Variants in MED12L observed in about 807,000 individuals in gnomAD.
The protein encoded by MED12L is mediator of RNA polymerase II transcription subunit 12-like protein.
In MED12L, 60 loss-of-function variants were observed where a neutral mutation model predicts 281.3. That is an observed-to-expected ratio of 0.21 (90% CI 0.17 to 0.26). The LOEUF (loss-of-function observed/expected upper bound fraction) is 0.26, where lower values mean the gene tolerates loss of function less well. MED12L is among the 10% of genes least tolerant of loss of function. The pLI is 1.00. For missense variants in MED12L, 2,146 were observed against 2,680.9 expected (o/e 0.80, Z 4.41); for synonymous variants, 974 against 987.2 (o/e 0.99, Z 0.25).
intron 16 of MED12L, among the ~76,000 whole-genome samples, chr3:151,243,460 T>G (rs1230722046): frequency 6.6e-6 from 1 of 152,108 alleles, no homozygotes; most frequent in African/African-American, 2.4e-5. Flanking sequence ...GGGGCCAATA[T>G]TCAACATTCT....
intron 17 of MED12L, among the ~76,000 whole-genome samples, chr3:151,350,885 C>G: frequency 6.6e-6 from 1 of 152,132 alleles, no homozygotes. Context: ...TTGTAATTAT[C>G]CACTTCACGT....
At chr3:151,258,474 C>T (rs1261875855) in intron 16 of MED12L, among the ~76,000 whole-genome samples, 1 of 152,112 alleles carries the variant, frequency 6.6e-6, no homozygotes, top group Admixed American at 6.6e-5. Flanking sequence ...GGTTAAATTC[C>T]AGGGTATCCC....
intron 2 of MED12L, among the ~76,000 whole-genome samples, chr3:151,107,357 G>A (rs1409628219): frequency 6.6e-6 from 1 of 152,062 alleles, no homozygotes; most frequent in African/African-American, 2.4e-5. Flanking sequence ...CCTTTTCAGA[G>A]CATTCTTGTC....
chr3:151,232,987 A>G (rs536271914), intron 16 of MED12L, among the ~76,000 whole-genome samples: 2 of 152,280 alleles, frequency 1.3e-5, no homozygotes, highest in African/African-American at 4.8e-5. Flanking sequence ...CCTTTCAAAT[A>G]TTCTTCTAAC....
chr3:151,294,093 G>A (rs1189728552), intron 16 of MED12L: 5 of 890,314 alleles, frequency 5.6e-6, no homozygotes, highest in African/African-American at 1.7e-5. Context: ...TATTTTTGAT[G>A]GGCTCAAGCA....
At chr3:151,117,762 A>T (rs372178515) in intron 3 of MED12L, among the ~76,000 whole-genome samples, 1 of 151,960 alleles carries the variant, frequency 6.6e-6, no homozygotes, top group East Asian at 1.9e-4. Context: ...AATTTTTTTA[A>T]AATTAAATGT....
chr3:151,268,811 G>C (rs1395919248), intron 16 of MED12L, among the ~76,000 whole-genome samples: 1 of 152,208 alleles, frequency 6.6e-6, no homozygotes, highest in Non-Finnish European at 1.5e-5. Context: ...ATGTATCATA[G>C]ACCTAAAGGT....
intron 16 of MED12L, among the ~76,000 whole-genome samples, chr3:151,322,222 G>T (rs1560026104): frequency 6.6e-6 from 1 of 152,136 alleles, no homozygotes; most frequent in Non-Finnish European, 1.5e-5. Flanking sequence ...GTCTTGCTCT[G>T]TCATCCAGGC....
At chr3:151,123,497 G>A (rs949411452) in intron 4 of MED12L, among the ~76,000 whole-genome samples, 21 of 152,126 alleles carry the variant, frequency 1.4e-4, no homozygotes. Context: ...ATAGGGGAGG[G>A]GATGTGGGAG....
chr3:151,156,390 T>C, intron 6 of MED12L, 60 bp downstream of exon 6: 1 of 1,476,816 alleles, frequency 6.8e-7, no homozygotes, highest in Admixed American at 2.3e-5. Flanking sequence ...AGCAAATTCC[T>C]TATAGTTTGG....
intron 36 of MED12L, among the ~76,000 whole-genome samples, chr3:151,385,727 A>G (rs986747286): frequency 2.0e-5 from 3 of 152,036 alleles, no homozygotes; most frequent in Admixed American, 2.0e-4. Flanking sequence ...GGGGGAAAAA[A>G]AAAAAAAAAC....
intron 16 of MED12L, among the ~76,000 whole-genome samples, chr3:151,240,822 G>C (rs1433787127): frequency 6.6e-6 from 1 of 152,238 alleles, no homozygotes. Context: ...TTAGGTCAGA[G>C]ACAAGGAGTG....
chr3:151,146,176 G>C (rs35303380), intron 5 of MED12L, among the ~76,000 whole-genome samples: 7,698 of 152,286 alleles, frequency 0.051, 277 homozygotes, highest in Middle Eastern at 0.088. Context: ...AAATAAACGT[G>C]TGCGTTGAAC....
At chr3:151,105,815 TTC>T (rs1397140019) in intron 2 of MED12L, among the ~76,000 whole-genome samples, 3 of 152,154 alleles carry the variant, frequency 2.0e-5, no homozygotes, top group African/African-American at 7.2e-5. Context: ...TAGAAACATT[TTC>T]TCTGTGTGTC....
intron 7 of MED12L, among the ~76,000 whole-genome samples, chr3:151,159,263 T>A (rs2148950801): frequency 6.6e-6 from 1 of 152,326 alleles, no homozygotes; most frequent in South Asian, 2.1e-4. Context: ...GAGATTTATT[T>A]AAAAAAATTC....
chr3:151,339,672 T>C (rs566440507), intron 16 of MED12L, among the ~76,000 whole-genome samples: 1 of 151,632 alleles, frequency 6.6e-6, no homozygotes, highest in African/African-American at 2.4e-5. Context: ...AGAAATGGCC[T>C]GTGTATATAT....
intron 16 of MED12L, among the ~76,000 whole-genome samples, chr3:151,343,773 C>T (rs1464986963): frequency 1.3e-5 from 2 of 152,048 alleles, no homozygotes; most frequent in South Asian, 2.1e-4. Flanking sequence ...TTTATTTTAC[C>T]AAGTCTACTA....
chr3:151,105,710 C>A (rs1721931234), intron 2 of MED12L, among the ~76,000 whole-genome samples: 1 of 152,152 alleles, frequency 6.6e-6, no homozygotes, highest in Non-Finnish European at 1.5e-5. Flanking sequence ...TGATCCCAGC[C>A]ATCTCCAGGC....
chr3:151,158,565 A>G, intron 6 of MED12L, 124 bp from the exon 7 acceptor site: 1 of 596,108 alleles, frequency 1.7e-6, no homozygotes, highest in South Asian at 2.4e-5. Flanking sequence ...GACTGTGAGC[A>G]ATGAGACTAT....
Sources: allele counts gnomAD v4.1 joint callset (sites outside exome capture counted in the v4.1 genomes callset), GRCh38; gene constraint gnomAD v4.1.1; transcripts MANE v1.5; gene names NCBI Gene and HGNC (gene_info 2026-07-23, HGNC 2026-07-21).